FNDC5: variants seen among roughly 807,000 people sequenced by gnomAD.
The protein encoded by FNDC5 is fibronectin type III domain containing 5, also known as fibronectin type III domain-containing protein 5.
Under a neutral mutation model 24.6 loss-of-function variants are expected in FNDC5, and 10 were observed. The ratio of observed to expected loss-of-function variants is 0.41; its 90% CI spans 0.25 to 0.69. The LOEUF is 0.69. FNDC5 is among the 30% of genes least tolerant of loss of function. The probability of loss-of-function intolerance (pLI) is 0.34; values close to 1 mark genes in which losing one functional copy is unlikely to be tolerated. For missense variants in FNDC5, 226 were observed against 282.9 expected (o/e 0.80, Z 1.44); for synonymous variants, 90 against 110.7 (o/e 0.81, Z 1.18).
rs1316798709 is a variant in FNDC5, at chr1:32,864,580, C to T, written c.633+84G>A. On this transcript the variant is annotated intron_variant, in intron 5 of 5. Coordinates refer to ENST00000373471, the MANE Select transcript of FNDC5 (RefSeq NM_153756.3). Reference sequence around the variant, plus strand: ...CTGCCCAGCTGTCGCCATGCCAGTCCCCGAGCTGACCCCCTCTGCAGTCCA... The same window carrying T: ...CTGCCCAGCTGTCGCCATGCCAGTCTCCGAGCTGACCCCCTCTGCAGTCCA... The T allele has an allele frequency of 3.1e-6, 5 of 1,595,700 alleles. No individual in the cohort carries two copies. The African/African-American group carries it at 5.4e-5, about 17-fold the overall frequency.
intron 4 of FNDC5, among the ~76,000 whole-genome samples, chr1:32,866,961 A>G (rs1641082051): frequency 6.6e-6 from 1 of 152,108 alleles, no homozygotes; most frequent in Non-Finnish European, 1.5e-5. Context: ...ATGGTGGCAC[A>G]TGTCTGTAGT....
Position 32,864,706 on chromosome 1 carries a change from G to GGTTTCTGATGCACTC in FNDC5, c.576_590dup (p.Ala194_Ser198dup), listed in dbSNP as rs1641037234. The GGTTTCTGATGCACTC allele has an allele frequency of 6.2e-6, 10 of 1,614,168 alleles. No homozygotes were observed. The highest frequency in any genetic ancestry group is 8.5e-6 in the Non-Finnish European group (10 of 1,180,022). On this transcript the variant is annotated inframe_insertion, in exon 5 of 6. Transcript: ENST00000373471. ...CCCCGCCCTGGTGCTCTGGTGTGCT[G>GGTTTCTGATGCACTC]GTTTCTGATGCACTCTTGGTTTTTT...
Position 32,862,906 on chromosome 1 carries a change from T to G in FNDC5, c.*1388A>C, listed in dbSNP as rs1270217322. ...GAACCCTGGATGAGATGGCAAGATA[T>G]GAAGACCCCAGAGGCCAGTGGTGAT... On this transcript the variant is annotated 3_prime_UTR_variant, in exon 6 of 6. Transcript: ENST00000373471. 6.5e-6 allele frequency: 1 copy of G among 152,724 alleles called. No homozygotes were observed. The highest frequency in any genetic ancestry group is 1.5e-5 in the Non-Finnish European group (1 of 68,146). The allele number at this position is 152,724 out of a possible 1,614,324, so 9.5% of individuals were successfully genotyped here. A position where few individuals can be genotyped will look rare whatever the true frequency, so the allele number is the denominator to read the frequency against.
At chr1:32,869,925 G>A (rs771068902) in intron 1 of FNDC5, among the ~76,000 whole-genome samples, 55 of 152,156 alleles carry the variant, frequency 3.6e-4, no homozygotes, top group Non-Finnish European at 7.4e-4. Context: ...ACCTGAGGGA[G>A]ACAGAGCCAG....
rs1490570152 is a variant in FNDC5, at chr1:32,870,737, C to A, written c.10G>T (p.Gly4Trp). ...CGGGGCGGCCAGGCGCTCGGCGACC[C>A]GGGGTGTATGGTGGCTCCTCCGGCC... The change falls in exon 1 of 6, where the codon GGG becomes TGG. Residue 4 changes from glycine (G) to tryptophan (W), a missense_variant. Transcript: ENST00000373471. The A allele has an allele frequency of 8.6e-7, 1 of 1,158,274 alleles. No homozygotes were observed. Among genetic ancestry groups the A allele is most frequent in the Non-Finnish European group, 1.1e-6 (1 of 941,612 alleles). The allele number at this position is 1,158,274 out of a possible 1,614,324, so 71.7% of individuals were successfully genotyped here. A position where few individuals can be genotyped will look rare whatever the true frequency, so the allele number is the denominator to read the frequency against.
intron 4 of FNDC5, among the ~76,000 whole-genome samples, chr1:32,866,847 A>G (rs906860672): frequency 3.3e-5 from 5 of 152,168 alleles, no homozygotes; most frequent in African/African-American, 1.2e-4. Flanking sequence ...TTGTTCAGTA[A>G]ATGCTGGTTG....
chr1:32,864,716 G>A lies in FNDC5; in HGVS notation c.581C>T (p.Ala194Val). ...GTGCTCTGGTGTGCTGGTTTCTGAT[G>A]CACTCTTGGTTTTTTCCTTGTTGTT... is the stretch of plus-strand genomic sequence containing the variant. The change falls in exon 5 of 6, where the codon GCA (alanine) becomes GTA (valine). Residue 194 changes from alanine to valine, a missense_variant. By Grantham distance (64) the Ala-to-Val change is moderately conservative (BLOSUM62 0). Coordinates refer to ENST00000373471, the MANE Select transcript of FNDC5 (RefSeq NM_153756.3). The A allele has an allele frequency of 6.2e-7, 1 of 1,614,200 alleles. No individual in the cohort carries two copies. The highest frequency in any genetic ancestry group is 1.7e-5 in the Admixed American group (1 of 60,018).
chr1:32,870,749 T>A lies in FNDC5; in HGVS notation c.-3A>T, dbSNP rs1641166728. ...GCGCTCGGCGACCCGGGGTGTATGGTGGCTCCTCCGGCCGGCAGGCCCGGG... is the reference window on the plus strand; with the variant it reads ...GCGCTCGGCGACCCGGGGTGTATGGAGGCTCCTCCGGCCGGCAGGCCCGGG... On this transcript the variant is annotated 5_prime_UTR_variant, in exon 1 of 6. Transcript: ENST00000373471. The A allele has an allele frequency of 1.8e-6, 2 of 1,130,940 alleles. No homozygotes were observed. Among genetic ancestry groups the A allele is most frequent in the African/African-American group, 3.3e-5 (2 of 60,246 alleles). 70.1% of individuals were successfully genotyped at this position (1,130,940 alleles called of 1,614,324 possible).
chr1:32,872,351 C>A (rs1273187730), upstream of FNDC5: 3 of 152,332 alleles, frequency 2.0e-5, no homozygotes, highest in African/African-American at 7.2e-5. Context: ...CCCCACTCGG[C>A]AGGGTGACAC....
Position 32,868,474 on chromosome 1 carries a change from A to G in FNDC5, c.211-86T>C. 7.3e-7 allele frequency: 1 copy of G among 1,363,974 alleles called. No individual in the cohort carries two copies. The highest frequency in any genetic ancestry group is 1.0e-6 in the Non-Finnish European group (1 of 994,142). The allele number at this position is 1,363,974 out of a possible 1,614,324, so 84.5% of individuals were successfully genotyped here. On this transcript the variant is annotated intron_variant, in intron 2 of 5. Transcript: ENST00000373471. The surrounding 1 kb of genome is among the most constrained non-coding windows in gnomAD (Gnocchi z 4.8). ...CTCCCAGTGGTGACAAAGCCTTTAC[A>G]TACACAATCTTCATCATTCCATCAC... is the stretch of plus-strand genomic sequence containing the variant.
Position 32,864,117 on chromosome 1 carries a change from G to C in FNDC5, c.*177C>G. On this transcript the variant is annotated 3_prime_UTR_variant, in exon 6 of 6. Transcript: ENST00000373471. Reference sequence around the variant, plus strand: ...TTCTGGAGATGGGAGTTAATAAGAGGCTTCAGGAAAGTGCGCCAGAGAGAG... The same window carrying C: ...TTCTGGAGATGGGAGTTAATAAGAGCCTTCAGGAAAGTGCGCCAGAGAGAG... 1.3e-6 allele frequency: 2 copies of C among 1,520,130 alleles called. No individual in the cohort carries two copies. Among genetic ancestry groups the C allele is most frequent in the South Asian group, 1.3e-5 (1 of 76,776 alleles). The allele number at this position is 1,520,130 out of a possible 1,614,324, so 94.2% of individuals were successfully genotyped here.
chr1:32,870,945 A>G (rs898095906), upstream of FNDC5: 1 of 147,046 alleles, frequency 6.8e-6, no homozygotes, highest in African/African-American at 2.5e-5. Context: ...GGCCGCGTCC[A>G]CGTCGGGCGC....
At chr1:32,869,513 G>A (rs1178183776) in intron 1 of FNDC5, among the ~76,000 whole-genome samples, 2 of 152,224 alleles carry the variant, frequency 1.3e-5, no homozygotes, top group Non-Finnish European at 2.9e-5. Context: ...GAGAACAGAA[G>A]TATCCTCAGA....
Position 32,870,738 on chromosome 1 carries a change from G to C in FNDC5, c.9C>G (p.Pro3=). The change falls in exon 1 of 6, where the codon CCC becomes CCG. Residue 3 remains proline (P), a synonymous_variant. Coordinates refer to ENST00000373471, the MANE Select transcript of FNDC5 (RefSeq NM_153756.3). ...GGGGCGGCCAGGCGCTCGGCGACCC[G>C]GGGTGTATGGTGGCTCCTCCGGCCG... 8 of 1,155,756 alleles carry C rather than the reference G, an allele frequency of 6.9e-6. No homozygotes were observed. Among genetic ancestry groups the C allele is most frequent in the Non-Finnish European group, 8.5e-6 (8 of 940,008 alleles). The allele number at this position is 1,155,756 out of a possible 1,614,324, so 71.6% of individuals were successfully genotyped here. A position where few individuals can be genotyped will look rare whatever the true frequency, so the allele number is the denominator to read the frequency against.
Position 32,868,446 on chromosome 1 carries a change from C to T in FNDC5, c.211-58G>A, listed in dbSNP as rs537650655. On this transcript the variant is annotated intron_variant, in intron 2 of 5. Coordinates refer to ENST00000373471, the MANE Select transcript of FNDC5 (RefSeq NM_153756.3). The surrounding 1 kb of genome is among the most constrained non-coding windows in gnomAD (Gnocchi z 4.8). ...CTCGGTGACCAGCCCCGCTCCTGCCCACCTCCCAGTGGTGACAAAGCCTTT... is the reference window on the plus strand; with the variant it reads ...CTCGGTGACCAGCCCCGCTCCTGCCTACCTCCCAGTGGTGACAAAGCCTTT... 1.0e-4 allele frequency: 163 copies of T among 1,556,068 alleles called. 1 individual carries two copies. In the Admixed American group the frequency reaches 1.2e-3, roughly 11 times the overall value.
chr1:32,868,374 C>G lies in FNDC5; in HGVS notation c.225G>C (p.Arg75=). ...TCACCTCCTGGATGAAGCGCAGCAT[C>G]CGCACATCCTTCTTCTGCAGACAAG... The change falls in exon 3 of 6, where the codon CGG becomes CGC. Residue 75 remains arginine, a synonymous_variant. Coordinates refer to ENST00000373471, the MANE Select transcript of FNDC5 (RefSeq NM_153756.3). The surrounding 1 kb of genome is among the most constrained non-coding windows in gnomAD (Gnocchi z 4.8). 1.2e-6 allele frequency: 2 copies of G among 1,613,962 alleles called. No homozygotes were observed. The highest frequency in any genetic ancestry group is 1.7e-6 in the Non-Finnish European group (2 of 1,179,858).
intron 1 of FNDC5, 27 bp downstream of exon 1, chr1:32,870,626 C>G (rs1641163580): frequency 1.7e-6 from 2 of 1,193,600 alleles, no homozygotes; most frequent in Non-Finnish European, 2.1e-6. Flanking sequence ...TGCCCCGGCG[C>G]CGGCCCCCCG....
Position 32,868,929 on chromosome 1 carries a change from C to T in FNDC5, c.163G>A (p.Asp55Asn). 8.1e-7 allele frequency: 1 copy of T among 1,237,972 alleles called. No homozygotes were observed. Among genetic ancestry groups the T allele is most frequent in the East Asian group, 3.1e-5 (1 of 32,008 alleles). 76.7% of individuals were successfully genotyped at this position (1,237,972 alleles called of 1,614,324 possible). A position where few individuals can be genotyped will look rare whatever the true frequency, so the allele number is the denominator to read the frequency against. Reference sequence around the variant, plus strand: ...ATGACAACCTCATCCTCCAGAACATCCCAGCTCACCACTGCAGAGTTGGCC... The same window carrying T: ...ATGACAACCTCATCCTCCAGAACATTCCAGCTCACCACTGCAGAGTTGGCC... The change falls in exon 2 of 6, where the codon GAT (aspartate) becomes AAT (asparagine). Residue 55 changes from aspartate to asparagine, a missense_variant. By Grantham distance (23) the Asp-to-Asn change is conservative (BLOSUM62 1). Coordinates refer to ENST00000373471, the MANE Select transcript of FNDC5 (RefSeq NM_153756.3). The surrounding 1 kb of genome is among the most constrained non-coding windows in gnomAD (Gnocchi z 4.8).
At chr1:32,870,234 C>T (rs1287159863) in intron 1 of FNDC5, among the ~76,000 whole-genome samples, 1 of 152,134 alleles carries the variant, frequency 6.6e-6, no homozygotes, top group Non-Finnish European at 1.5e-5. Context: ...TTCACACGTG[C>T]TCCTGCACAG....
Sources: gnomAD v4.1 joint callset for allele counts (sites outside exome capture counted in the v4.1 genomes callset) on GRCh38, gnomAD v4.1.1 for gene constraint, Gnocchi (gnomAD v3.1) non-coding constraint, MANE v1.5 for transcripts, NCBI Gene and HGNC (gene_info 2026-07-23, HGNC 2026-07-21) for gene names.